The following SRCAP variants were observed in gnomAD, a reference collection of about 807,000 sequenced individuals.
The protein encoded by SRCAP is chromatin remodeling protein SRCAP.
In SRCAP, 46 loss-of-function variants were observed where a neutral mutation model predicts 263.1. The observed-to-expected ratio is 0.17, with a 90% CI of 0.14 to 0.22. The LOEUF is 0.22. Ranked by LOEUF, SRCAP falls within the 10% of genes least tolerant of loss-of-function variation. The pLI is 1.00. For synonymous variants in SRCAP, 1,813 were observed against 1,662.1 expected, an observed-to-expected ratio of 1.09 and a Z score of -2.21; for missense variants, 3,695 against 4,181.9, an observed-to-expected ratio of 0.88 and a Z score of 3.21.
chr16:30,700,610 C>A lies in SRCAP; in HGVS notation c.-209-6C>A. The A allele has an allele frequency of 1.2e-4, 43 of 353,776 alleles. No homozygotes were observed. The highest frequency in any genetic ancestry group is 1.8e-4 in the East Asian group (4 of 22,830). The allele number at this position is 353,776 out of a possible 1,614,324, so 21.9% of individuals were successfully genotyped here. A position where few individuals can be genotyped will look rare whatever the true frequency, so the allele number is the denominator to read the frequency against. On this transcript the variant is annotated splice_region_variant and splice_polypyrimidine_tract_variant and intron_variant, in intron 2 of 33. Coordinates refer to ENST00000262518, the MANE Select transcript of SRCAP (RefSeq NM_006662.3). ...GTCTTTTTTTTTTTTTTTAACCCTA[C>A]TTTAGGTGCTCCAGAGGCTGGTGGA...
In SRCAP at chr16:30,707,608, C is replaced by T. The variant is rs1201073267; in HGVS notation, c.529C>T (p.Arg177Trp). ...GGTGATCCGGCACCACGAGGAGCAGCGGCAGAAAGAGGAACGGGCCCGGAG... is the reference window on the plus strand; with the variant it reads ...GGTGATCCGGCACCACGAGGAGCAGTGGCAGAAAGAGGAACGGGCCCGGAG... ...RMVIRHHEEQ[R>W]QKEERARREE... The change falls in exon 6 of 34, where the codon CGG (arginine) becomes TGG (tryptophan). Residue 177 changes from arginine (R) to tryptophan (W), a missense_variant. By Grantham distance (101) the Arg-to-Trp change is moderately radical. Transcript: ENST00000262518. 1.2e-6 allele frequency: 2 copies of T among 1,613,788 alleles called. No homozygotes were observed. The highest frequency in any genetic ancestry group is 1.7e-6 in the Non-Finnish European group (2 of 1,179,876).
chr16:30,735,563 A>G (rs1299739624), intron 31 of SRCAP, among the ~76,000 whole-genome samples: 1 of 109,120 alleles, frequency 9.2e-6, no homozygotes, highest in Non-Finnish European at 1.8e-5. Context: ...AGTTTTTGAC[A>G]TTACTTTTTT....
intron 10 of SRCAP, 132 bp downstream of exon 10, chr16:30,711,220 T>C: frequency 1.4e-6 from 1 of 709,928 alleles, no homozygotes; most frequent in Non-Finnish European, 2.5e-6. Context: ...AAGACAGACT[T>C]GTAAACCAGT....
rs759089357 is a variant in SRCAP, at chr16:30,724,702, G to T, written c.5278G>T (p.Val1760Leu). The change falls in exon 25 of 34, where the codon GTG becomes TTG. Residue 1760 changes from valine to leucine, a missense_variant. Physicochemically the swap from Val to Leu is conservative, Grantham distance 32. Coordinates refer to ENST00000262518, the MANE Select transcript of SRCAP (RefSeq NM_006662.3). Reference sequence around the variant, plus strand: ...ACCCCCTCTGGCTCCAGCTTCTCCAGTGGGCCCAGCCCCAGCTCACACGCT... The same window carrying T: ...ACCCCCTCTGGCTCCAGCTTCTCCATTGGGCCCAGCCCCAGCTCACACGCT... The part of the protein sequence containing the change: ...PAPPLAPASP[V>L]GPAPAHTLTL... 3 of 1,613,700 alleles carry T rather than the reference G, an allele frequency of 1.9e-6. No homozygotes were observed. In the Admixed American group the frequency reaches 5.0e-5, roughly 27 times the overall value.
chr16:30,704,701 T>G (rs2151284959), intron 4 of SRCAP, among the ~76,000 whole-genome samples: 1 of 152,020 alleles, frequency 6.6e-6, no homozygotes, highest in South Asian at 2.1e-4. Context: ...TAGCTGGGTA[T>G]AGTCGCACAT....
chr16:30,731,307 T>C (rs1244302594), intron 27 of SRCAP, among the ~76,000 whole-genome samples: 1 of 152,198 alleles, frequency 6.6e-6, no homozygotes, highest in Non-Finnish European at 1.5e-5. Flanking sequence ...GGTTGGGGCC[T>C]TCTTCACCTG....
chr16:30,724,856 C>T lies in SRCAP; in HGVS notation c.5432C>T (p.Ala1811Val). The T allele has an allele frequency of 6.2e-7, 1 of 1,614,144 alleles. No homozygotes were observed. Among genetic ancestry groups the T allele is most frequent in the Non-Finnish European group, 8.5e-7 (1 of 1,179,978 alleles). Residue 1811 changes from alanine to valine, a missense_variant, in exon 25 of 34, where the codon GCC (alanine) becomes GTC (valine). By Grantham distance (64) the Ala-to-Val change is moderately conservative (BLOSUM62 0). Coordinates refer to ENST00000262518, the MANE Select transcript of SRCAP (RefSeq NM_006662.3). Reference protein sequence around the residue: ...AAAQTLALAPASTQSPASQAS... With the variant: ...AAAQTLALAPVSTQSPASQAS... ...GCTCAGACCTTGGCGCTGGCCCCAG[C>T]CTCCACACAGTCCCCAGCTTCCCAG...
chr16:30,709,478 A>G (rs764770396), intron 6 of SRCAP, 35 bp from the exon 7 acceptor site: 7 of 1,608,536 alleles, frequency 4.4e-6, no homozygotes, highest in African/African-American at 2.7e-5. Context: ...TAAAATGGTT[A>G]TCTTGGTGAG....
chr16:30,704,150 C>T lies in SRCAP; in HGVS notation c.141C>T (p.Ser47=). 1 of 1,614,178 alleles carries T rather than the reference C, an allele frequency of 6.2e-7. No individual in the cohort carries two copies. The highest frequency in any genetic ancestry group is 8.5e-7 in the Non-Finnish European group (1 of 1,180,036). Residue 47 remains serine, a synonymous_variant, in exon 4 of 34, where the codon TCC becomes TCT. Coordinates refer to ENST00000262518, the MANE Select transcript of SRCAP (RefSeq NM_006662.3). ...SPASSGAGGI[S]PQHIAQDSSL... ...CCTCTAGTGGGGCAGGCGGCATCTC[C>T]CCGCAGCACATAGCTCAAGATTCCT...
intron 6 of SRCAP, among the ~76,000 whole-genome samples, chr16:30,708,033 A>G (rs1251894091): frequency 6.6e-6 from 1 of 152,124 alleles, no homozygotes; most frequent in African/African-American, 2.4e-5. Flanking sequence ...AGTTGTAATT[A>G]TTTCTTAAGT....
At chr16:30,722,384 C>G in intron 22 of SRCAP, 98 bp downstream of exon 22, 1 of 1,541,520 alleles carries the variant, frequency 6.5e-7, no homozygotes, top group South Asian at 1.3e-5. Context: ...GTTTCTTACC[C>G]AAGCTTTTGG....
At chr16:30,721,841 A>C (rs1269542813) in intron 21 of SRCAP, among the ~76,000 whole-genome samples, 1 of 152,220 alleles carries the variant, frequency 6.6e-6, no homozygotes, top group East Asian at 1.9e-4. Context: ...TATTGGGGTA[A>C]AAGGACAGTG....
At position 30,739,175 on chromosome 16, in the gene SRCAP, G is replaced by C; in HGVS notation, c.9135G>C (p.Gln3045His). Residue 3045 changes from glutamine (Q) to histidine (H), a missense_variant, in exon 34 of 34, where the codon CAG becomes CAC. Coordinates refer to ENST00000262518, the MANE Select transcript of SRCAP (RefSeq NM_006662.3). ...SCGLGRRRQP[Q>H]GQGESEGSSS... ...GATTGGGGAGGCGACGGCAACCCCA[G>C]GGCCAAGGGGAGAGTGAGGGTAGTT... 6.2e-7 allele frequency: 1 copy of C among 1,613,998 alleles called. No homozygotes were observed. Among genetic ancestry groups the C allele is most frequent in the South Asian group, 1.1e-5 (1 of 91,092 alleles).
At position 30,733,250 on chromosome 16, in the gene SRCAP, A is replaced by G. The variant is rs199813764; in HGVS notation, c.6128-30A>G. 1 of 1,607,298 alleles carries G rather than the reference A, an allele frequency of 6.2e-7. No homozygotes were observed. Among genetic ancestry groups the G allele is most frequent in the East Asian group, 2.2e-5 (1 of 44,798 alleles). ...ATTCTACCCATTGCGGCTTGTAGCT[A>G]GCTCCCTGTATCCCTTCATATCTCT... On this transcript the variant is annotated intron_variant, in intron 27 of 33. Coordinates refer to ENST00000262518, the MANE Select transcript of SRCAP (RefSeq NM_006662.3). This position sits in a 1 kb window ranked among gnomAD's most constrained non-coding sequence, Gnocchi z 5.3.
At position 30,724,297 on chromosome 16, in the gene SRCAP, T is replaced by A; in HGVS notation, c.4873T>A (p.Ser1625Thr). The change falls in exon 25 of 34, where the codon TCA becomes ACA. Residue 1625 changes from serine (S) to threonine (T), a missense_variant. By Grantham distance (58) the Ser-to-Thr change is moderately conservative. Transcript: ENST00000262518. ...SPGAAPVLAS[S>T]QTPVPVMAPS... is the part of the protein sequence containing the mutation. The stretch of plus-strand genomic sequence containing the variant: ...AGGTGCTGCTCCTGTCCTGGCTTCA[T>A]CACAGACTCCGGTTCCAGTTATGGC... 1 of 1,614,078 alleles carries A rather than the reference T, an allele frequency of 6.2e-7. No individual in the cohort carries two copies. Among genetic ancestry groups the A allele is most frequent in the South Asian group, 1.1e-5 (1 of 91,078 alleles).
At chr16:30,715,615 C>T (rs1178251520) in intron 16 of SRCAP, among the ~76,000 whole-genome samples, 1 of 151,158 alleles carries the variant, frequency 6.6e-6, no homozygotes, top group Non-Finnish European at 1.5e-5. Flanking sequence ...ATTACTTTTC[C>T]TTCATTTATC....
chr16:30,739,403 G>T lies in SRCAP; in HGVS notation c.9363G>T (p.Arg3121=). The stretch of plus-strand genomic sequence containing the variant: ...TAACCCCAAAACTGCGCTCGACCCG[G>T]CTGCGTCCAGGGTCTCTAGTCCCCC... ...VSLTPKLRST[R]LRPGSLVPPL... The change falls in exon 34 of 34, where the codon CGG becomes CGT. Residue 3121 remains arginine (R), a synonymous_variant. Transcript: ENST00000262518. 1 of 1,614,218 alleles carries T rather than the reference G, an allele frequency of 6.2e-7. No homozygotes were observed. Among genetic ancestry groups the T allele is most frequent in the Non-Finnish European group, 8.5e-7 (1 of 1,180,026 alleles).
chr16:30,728,471 C>T (rs1198010585), intron 25 of SRCAP, among the ~76,000 whole-genome samples: 1 of 152,186 alleles, frequency 6.6e-6, no homozygotes, highest in Non-Finnish European at 1.5e-5. Context: ...TGATGAGACT[C>T]GGATGTCCGG....
intron 1 of SRCAP, among the ~76,000 whole-genome samples, 155 bp downstream of exon 1, chr16:30,699,397 C>G (rs913298869): frequency 6.6e-6 from 1 of 152,164 alleles, no homozygotes; most frequent in Non-Finnish European, 1.5e-5. Flanking sequence ...GCAGTGCGGC[C>G]TCTCGCTTTT....
Sources: allele counts gnomAD v4.1 joint callset (sites outside exome capture counted in the v4.1 genomes callset), GRCh38; gene constraint gnomAD v4.1.1; non-coding constraint Gnocchi (gnomAD v3.1); transcripts MANE v1.5; gene names NCBI Gene and HGNC (gene_info 2026-07-23, HGNC 2026-07-21).